DIP2C: variants seen among roughly 807,000 people sequenced by gnomAD.
The protein encoded by DIP2C is disco-interacting protein 2 homolog C.
In DIP2C, 33 loss-of-function variants were observed where a neutral mutation model predicts 192.4. The observed-to-expected ratio is 0.17, with a 90% CI of 0.13 to 0.23. The LOEUF (loss-of-function observed/expected upper bound fraction) is 0.23. Among genes scored for constraint, DIP2C ranks in the 10% least tolerant of loss-of-function variants. The pLI, the probability that DIP2C is intolerant of heterozygous loss-of-function variation, is 1.00. For synonymous variants in DIP2C, 979 were observed against 864.1 expected, an observed-to-expected ratio of 1.13 and a Z score of -2.33; for missense variants, 1,537 against 2,110.1, an observed-to-expected ratio of 0.73 and a Z score of 5.32.
chr10:572,832 A>G (rs1849910611), intron 1 of DIP2C, among the ~76,000 whole-genome samples: 1 of 152,124 alleles, frequency 6.6e-6, no homozygotes, highest in African/African-American at 2.4e-5. Context: ...CCCCTCAAAG[A>G]CCAGGGCAGC....
At chr10:384,363 G>A (rs947740216) in intron 15 of DIP2C, among the ~76,000 whole-genome samples, 183 bp downstream of exon 15, 7 of 136,936 alleles carry the variant, frequency 5.1e-5, no homozygotes, top group Non-Finnish European at 1.1e-4. Context: ...TCAACCTCCC[G>A]AGTAGCTGGG....
At chr10:305,993 A>ATATATATATATG (rs958069491) in intron 32 of DIP2C, among the ~76,000 whole-genome samples, 13 of 142,776 alleles carry the variant, frequency 9.1e-5, no homozygotes, top group African/African-American at 3.1e-4. Context: ...ATATATATAT[A>ATATATATATATG]TTATATTTTT....
intron 9 of DIP2C, among the ~76,000 whole-genome samples, chr10:405,221 C>T (rs539913180): frequency 2.0e-5 from 3 of 152,348 alleles, no homozygotes; most frequent in African/African-American, 7.2e-5. Context: ...AGCCCTCTCC[C>T]GAGAAGCACC....
At chr10:532,059 T>G (rs1216371009) in intron 1 of DIP2C, among the ~76,000 whole-genome samples, 1 of 152,178 alleles carries the variant, frequency 6.6e-6, no homozygotes, top group Non-Finnish European at 1.5e-5. Context: ...ACGAGTCCCC[T>G]TTAGTGCCAT....
intron 29 of DIP2C, among the ~76,000 whole-genome samples, chr10:335,781 TA>T (rs1379569043): frequency 1.3e-5 from 2 of 152,232 alleles, no homozygotes; most frequent in Non-Finnish European, 2.9e-5. Context: ...CTCTTTCCTT[TA>T]ACTATTTCGT....
At chr10:677,743 G>A (rs925465644) in intron 1 of DIP2C, among the ~76,000 whole-genome samples, 8 of 152,254 alleles carry the variant, frequency 5.3e-5, no homozygotes, top group Admixed American at 2.0e-4. Flanking sequence ...CACACAACTC[G>A]GAACAGGGGA....
At chr10:484,822 G>A (rs1213449654) in intron 2 of DIP2C, 3 of 1,611,206 alleles carry the variant, frequency 1.9e-6, no homozygotes, top group Admixed American at 1.7e-5. Context: ...TGCGGTGCTG[G>A]CCACCCGCTC....
chr10:401,313 T>C (rs1420469153), intron 9 of DIP2C, among the ~76,000 whole-genome samples: 9 of 151,134 alleles, frequency 6.0e-5, no homozygotes, highest in South Asian at 2.1e-4. Context: ...AAGTTTGGTA[T>C]GTGTTCATCA....
chr10:337,073 T>TGTGTGTGTGTG (rs374638763), intron 29 of DIP2C, among the ~76,000 whole-genome samples: 2 of 71,514 alleles, frequency 2.8e-5, no homozygotes, highest in Non-Finnish European at 5.6e-5. Flanking sequence ...TGTGTGTGTG[T>TGTGTGTGTGTG]TGTGGAGGCC....
chr10:428,714 C>T (rs983580408), intron 4 of DIP2C, among the ~76,000 whole-genome samples: 1 of 152,140 alleles, frequency 6.6e-6, no homozygotes, highest in Non-Finnish European at 1.5e-5. Flanking sequence ...CTCATTTCTT[C>T]AAAGGCTCCT....
chr10:638,053 C>T (rs925313169), intron 1 of DIP2C, among the ~76,000 whole-genome samples: 1 of 152,204 alleles, frequency 6.6e-6, no homozygotes, highest in African/African-American at 2.4e-5. Context: ...TCTTCTGAAG[C>T]CCCCGAGACA....
At chr10:614,771 G>A (rs887722457) in intron 1 of DIP2C, among the ~76,000 whole-genome samples, 1 of 152,248 alleles carries the variant, frequency 6.6e-6, no homozygotes, top group Non-Finnish European at 1.5e-5. Flanking sequence ...CCCTTGCCGG[G>A]TATCGCGGCT....
intron 1 of DIP2C, among the ~76,000 whole-genome samples, chr10:497,960 C>T (rs12761967): frequency 6.6e-6 from 1 of 152,176 alleles, no homozygotes; most frequent in Non-Finnish European, 1.5e-5. Flanking sequence ...CAGCCTTGAC[C>T]TTCCAGGGCC....
chr10:553,312 G>A (rs746202281), intron 1 of DIP2C, among the ~76,000 whole-genome samples: 20 of 152,236 alleles, frequency 1.3e-4, no homozygotes, highest in Non-Finnish European at 2.4e-4. Context: ...CTGGGAAGCA[G>A]GGCTGCGTGT....
chr10:500,266 C>T (rs1485742218), intron 1 of DIP2C, among the ~76,000 whole-genome samples: 2 of 152,248 alleles, frequency 1.3e-5, no homozygotes, highest in South Asian at 2.1e-4. Context: ...GAGCAGGGCC[C>T]ATGGCTACTT....
rs1039345255 is a variant in DIP2C at position 683,610 on chromosome 10, A to G, written c.85+5884T>C. Among the ~76,000 whole-genome samples the G allele has an allele frequency of 2.6e-4, 40 of 152,146 alleles. 1 individual carries two copies. The highest frequency in any genetic ancestry group is 4.4e-4 in the Non-Finnish European group (30 of 68,034). On this transcript the variant is annotated intron_variant, in intron 1 of 36. Coordinates refer to ENST00000280886, the MANE Select transcript of DIP2C (RefSeq NM_014974.3). Reference sequence around the variant, plus strand: ...GCCCGTCTTTCCAGGGTAAACACCCATTTGCCAAACAGCCAGTGACGGCAA... The same window carrying G: ...GCCCGTCTTTCCAGGGTAAACACCCGTTTGCCAAACAGCCAGTGACGGCAA...
intron 1 of DIP2C, among the ~76,000 whole-genome samples, chr10:507,461 G>A (rs1845690151): frequency 6.6e-6 from 1 of 151,668 alleles, no homozygotes; most frequent in Non-Finnish European, 1.5e-5. Context: ...AGAGGCGTGA[G>A]GTTACGGACT....
At chr10:396,894 C>A (rs1455128969) in intron 10 of DIP2C, among the ~76,000 whole-genome samples, 2 of 151,874 alleles carry the variant, frequency 1.3e-5, no homozygotes, top group Non-Finnish European at 2.9e-5. Context: ...GCAGCTACCA[C>A]AGACTCCCCT....
chr10:484,837 G>A (rs1478177361), intron 2 of DIP2C: 4 of 1,611,680 alleles, frequency 2.5e-6, no homozygotes, highest in Non-Finnish European at 3.4e-6. Context: ...CCGCTCCCGA[G>A]CCGCAGCTTC....
Sources: allele counts gnomAD v4.1 joint callset (sites outside exome capture counted in the v4.1 genomes callset), GRCh38; gene constraint gnomAD v4.1.1; transcripts MANE v1.5; gene names NCBI Gene and HGNC (gene_info 2026-07-23, HGNC 2026-07-21).